ADGRL3: variants seen among roughly 807,000 people sequenced by gnomAD.
ADGRL3 encodes adhesion G protein-coupled receptor L3.
Under a neutral mutation model 153.5 loss-of-function variants are expected in ADGRL3, and 62 were observed. That is an observed-to-expected ratio of 0.40 (90% CI 0.33 to 0.50). The LOEUF is 0.50. Ranked by LOEUF, ADGRL3 falls within the 20% of genes least tolerant of loss-of-function variation. The pLI, the probability that ADGRL3 is intolerant of heterozygous loss-of-function variation, is 0.47. For synonymous variants in ADGRL3, 710 were observed against 672.5 expected (o/e 1.06, Z -0.86); for missense variants, 1,641 against 1,859.4 (o/e 0.88, Z 2.16).
rs548056140 is a variant in ADGRL3 at position 61,695,480 on chromosome 4, T to TG, written c.583+18546dup. Among the ~76,000 whole-genome samples, 286 of 152,308 alleles carry TG rather than the reference T, an allele frequency of 1.9e-3. 1 individual carries two copies. The highest frequency in any genetic ancestry group is 6.8e-3 in the African/African-American group (281 of 41,568). Reference sequence around the variant, plus strand: ...TGGGATTAACATTTTCAGTAGATCATGCTGTAAACAGATGTGCTGTCATCC... The same window carrying TG: ...TGGGATTAACATTTTCAGTAGATCATGGCTGTAAACAGATGTGCTGTCATCC... On this transcript the variant is annotated intron_variant, in intron 6 of 26. Coordinates refer to ENST00000683033, the MANE Select transcript of ADGRL3 (RefSeq NM_001387552.1).
intron 22 of ADGRL3, 42 bp from the exon 23 acceptor site, chr4:62,031,400 A>G: frequency 6.7e-7 from 1 of 1,486,644 alleles, no homozygotes; most frequent in Non-Finnish European, 9.2e-7. Flanking sequence ...TTAATTAAAG[A>G]TCAATTATTT....
At chr4:62,030,176 T>G (rs2151490686) in intron 22 of ADGRL3, among the ~76,000 whole-genome samples, 1 of 151,780 alleles carries the variant, frequency 6.6e-6, no homozygotes, top group African/African-American at 2.4e-5. Flanking sequence ...TTAACTACTT[T>G]GGGACCATAT....
chr4:61,689,869 T>C (rs17090535), intron 6 of ADGRL3, among the ~76,000 whole-genome samples: 2,861 of 152,246 alleles, frequency 0.019, 112 homozygotes, highest in African/African-American at 0.065. Flanking sequence ...TGATTGGTTC[T>C]CAAACTTCAT....
At chr4:61,409,437 T>A (rs1261236603) in intron 2 of ADGRL3, among the ~76,000 whole-genome samples, 1 of 146,300 alleles carries the variant, frequency 6.8e-6, no homozygotes, top group Non-Finnish European at 1.5e-5. Flanking sequence ...TATGTCTATC[T>A]CATTCCAAGC....
In ADGRL3 at chr4:61,250,237, A is replaced by G. The variant is rs146006049; in HGVS notation, c.-240+48472A>G. Reference sequence around the variant, plus strand: ...ACTACAGAATTCCCTGAAGCTATCAATCTACCTGAGGAAGCAACAAGCTCT... The same window carrying G: ...ACTACAGAATTCCCTGAAGCTATCAGTCTACCTGAGGAAGCAACAAGCTCT... On this transcript the variant is annotated intron_variant, in intron 1 of 26. Coordinates refer to ENST00000683033, the MANE Select transcript of ADGRL3 (RefSeq NM_001387552.1). Among the ~76,000 whole-genome samples the G allele has an allele frequency of 4.4e-3, 670 of 152,304 alleles. 2 individuals are homozygous for G. The highest frequency in any genetic ancestry group is 0.015 in the African/African-American group (612 of 41,566).
At chr4:61,322,292 A>G (rs2095373899) in intron 1 of ADGRL3, among the ~76,000 whole-genome samples, 1 of 152,206 alleles carries the variant, frequency 6.6e-6, no homozygotes, top group African/African-American at 2.4e-5. Context: ...GGGAGATACA[A>G]GATGAGATTT....
intron 21 of ADGRL3, among the ~76,000 whole-genome samples, chr4:62,004,946 C>T (rs1215592477): frequency 6.6e-6 from 1 of 151,938 alleles, no homozygotes; most frequent in African/African-American, 2.4e-5. Flanking sequence ...TAGAAATCAC[C>T]ATAACAATAT....
intron 1 of ADGRL3, among the ~76,000 whole-genome samples, chr4:61,278,638 G>C (rs755812464): frequency 2.6e-5 from 4 of 151,950 alleles, no homozygotes; most frequent in Non-Finnish European, 5.9e-5. Context: ...TGAGTAGCTG[G>C]GACTACAGGC....
At chr4:61,902,876 T>C (rs1314976778) in intron 11 of ADGRL3, among the ~76,000 whole-genome samples, 1 of 152,230 alleles carries the variant, frequency 6.6e-6, no homozygotes, top group African/African-American at 2.4e-5. Context: ...TTTGTACAGA[T>C]AAATTTTTAA....
intron 9 of ADGRL3, among the ~76,000 whole-genome samples, chr4:61,849,175 A>G (rs908082928): frequency 2.6e-5 from 4 of 152,128 alleles, no homozygotes; most frequent in African/African-American, 9.7e-5. Context: ...TCTAAGTTCT[A>G]TCGATCCTTT....
At chr4:61,880,921 A>T (rs1240039983) in intron 9 of ADGRL3, among the ~76,000 whole-genome samples, 1 of 152,110 alleles carries the variant, frequency 6.6e-6, no homozygotes, top group African/African-American at 2.4e-5. Flanking sequence ...TCAAGCTTTA[A>T]CTCTACAACC....
chr4:61,682,276 T>C (rs2150992090), intron 6 of ADGRL3, among the ~76,000 whole-genome samples: 1 of 152,074 alleles, frequency 6.6e-6, no homozygotes, highest in East Asian at 1.9e-4. Context: ...ATATAAATTT[T>C]TTAGAATTAT....
intron 2 of ADGRL3, among the ~76,000 whole-genome samples, chr4:61,478,261 C>A (rs910563511): frequency 6.6e-5 from 10 of 151,964 alleles, no homozygotes; most frequent in African/African-American, 2.4e-4. Flanking sequence ...TTAAGATATA[C>A]AAGCTCACAT....
intron 12 of ADGRL3, among the ~76,000 whole-genome samples, chr4:61,911,207 A>G (rs1416349889): frequency 1.3e-5 from 2 of 152,144 alleles, no homozygotes; most frequent in Non-Finnish European, 2.9e-5. Context: ...CCATAACATG[A>G]CTTGTTATAG....
chr4:62,055,642 T>C (rs1361207463), intron 25 of ADGRL3, among the ~76,000 whole-genome samples: 1 of 151,856 alleles, frequency 6.6e-6, no homozygotes, highest in Non-Finnish European at 1.5e-5. Context: ...TATGTAACTT[T>C]GAAAGGTGTC....
At chr4:61,354,833 A>C (rs1294185242) in intron 1 of ADGRL3, among the ~76,000 whole-genome samples, 5 of 151,986 alleles carry the variant, frequency 3.3e-5, no homozygotes, top group Non-Finnish European at 2.9e-5. Context: ...TCTAGTGTTC[A>C]CCTTGAGTCT....
chr4:61,932,621 GGCCTGC>G (rs1310937893), intron 13 of ADGRL3, among the ~76,000 whole-genome samples: 1 of 151,996 alleles, frequency 6.6e-6, no homozygotes, highest in Admixed American at 6.6e-5. Context: ...ATCAGGATAT[GGCCTGC>G]AGTTTTCTCG....
At chr4:61,525,165 C>G (rs554175401) in intron 4 of ADGRL3, among the ~76,000 whole-genome samples, 7 of 151,728 alleles carry the variant, frequency 4.6e-5, no homozygotes, top group Non-Finnish European at 1.0e-4. Flanking sequence ...AAATGACATT[C>G]CTGGTATGAG....
At chr4:61,766,914 G>A (rs1311608439) in intron 8 of ADGRL3, among the ~76,000 whole-genome samples, 1 of 152,038 alleles carries the variant, frequency 6.6e-6, no homozygotes, top group African/African-American at 2.4e-5. Flanking sequence ...AACTTGTAAG[G>A]CTTGTCTGGT....
Sources: allele counts gnomAD v4.1 joint callset (sites outside exome capture counted in the v4.1 genomes callset), GRCh38; gene constraint gnomAD v4.1.1; transcripts MANE v1.5; gene names NCBI Gene and HGNC (gene_info 2026-07-23, HGNC 2026-07-21).